The following TRPC5 variants were observed in gnomAD, a reference collection of about 807,000 sequenced individuals.
TRPC5 encodes the protein transient receptor potential cation channel subfamily C member 5.
TRPC5 carries 9 observed loss-of-function variants against 56.5 expected under a neutral mutation model. The observed-to-expected ratio is 0.16, with a 90% CI of 0.10 to 0.28. The LOEUF (loss-of-function observed/expected upper bound fraction) is 0.28. TRPC5 is among the 10% of genes least tolerant of loss of function. The pLI is 1.00. For synonymous variants in TRPC5, 282 were observed against 278.5 expected, an observed-to-expected ratio of 1.01 and a Z score of -0.13; for missense variants, 469 against 748.9, an observed-to-expected ratio of 0.63 and a Z score of 4.36.
intron 7 of TRPC5, among the ~76,000 whole-genome samples, chrX:111,802,942 C>G (rs921684446): frequency 9.1e-6 from 1 of 110,305 alleles, no homozygotes; most frequent in African/African-American, 3.3e-5. Flanking sequence ...GGTATACATG[C>G]GCCATGTTGG....
At chrX:111,988,059 A>G (rs1233033363) in intron 1 of TRPC5, among the ~76,000 whole-genome samples, 3 of 112,775 alleles carry the variant, frequency 2.7e-5, no homozygotes, top group Non-Finnish European at 3.8e-5. Context: ...TAAAGCAGCA[A>G]ATAGATATTT....
chrX:111,821,126 ACTTT>A (rs1204962170), intron 7 of TRPC5, among the ~76,000 whole-genome samples: 1 of 111,480 alleles, frequency 9.0e-6, no homozygotes, highest in Non-Finnish European at 1.9e-5. Context: ...GGCCTACGGT[ACTTT>A]CTTTCCTTAT....
At chrX:112,021,796 C>T (rs933854650) in intron 1 of TRPC5, among the ~76,000 whole-genome samples, 1 of 112,073 alleles carries the variant, frequency 8.9e-6, no homozygotes, top group Admixed American at 9.5e-5. Flanking sequence ...AAAAGAGTCC[C>T]CCATAAGAAC....
chrX:112,047,948 G>T (rs767727963), intron 1 of TRPC5, among the ~76,000 whole-genome samples: 2 of 112,301 alleles, frequency 1.8e-5, no homozygotes, highest in Admixed American at 9.4e-5. Context: ...GTTTCTACTA[G>T]ACTATCAACT....
intron 1 of TRPC5, among the ~76,000 whole-genome samples, chrX:112,063,815 A>G (rs1602419136): frequency 8.9e-6 from 1 of 112,094 alleles, no homozygotes; most frequent in Non-Finnish European, 1.9e-5. Flanking sequence ...TTTTTGAGAC[A>G]GAGTCTCGCT....
chrX:111,805,410 A>C (rs1335556768), intron 7 of TRPC5, among the ~76,000 whole-genome samples: 3 of 111,490 alleles, frequency 2.7e-5, no homozygotes, highest in Non-Finnish European at 5.6e-5. Context: ...TGATTGGACT[A>C]GTTTCAGAAG....
rs756351736 is a variant in TRPC5 at position 111,776,526 on chromosome X, C to G, written c.2709G>C (p.Glu903Asp). 2 of 1,211,327 alleles carry G rather than the reference C, an allele frequency of 1.7e-6. No individual in the cohort carries two copies. The highest frequency in any genetic ancestry group is 3.5e-5 in the South Asian group (2 of 56,869). Residue 903 changes from glutamate (E) to aspartate (D), a missense_variant, in exon 11 of 11, where the codon GAG (glutamate) becomes GAC (aspartate). Glu to Asp is a conservative substitution (Grantham distance 45). Around this residue, in one of 3 missense-constraint regions of TRPC5, gnomAD observed 194 missense variants for 221.8 expected, o/e 0.87. Transcript: ENST00000262839. ...ACSQSEINLSEVELGEVQGAA... is the reference protein window; with the variant it reads ...ACSQSEINLSDVELGEVQGAA... ...CGCCCTGGACTTCACCTAATTCTAC[C>G]TCACTGAGGTTAATTTCACTTTGAG...
At chrX:111,783,953 G>A (rs1259189044) in intron 7 of TRPC5, among the ~76,000 whole-genome samples, 1 of 111,465 alleles carries the variant, frequency 9.0e-6, no homozygotes, top group African/African-American at 3.3e-5. Flanking sequence ...TTCTATAAGG[G>A]AAGAGGTTTA....
At chrX:111,793,421 A>G (rs1157453073) in intron 7 of TRPC5, among the ~76,000 whole-genome samples, 1 of 112,551 alleles carries the variant, frequency 8.9e-6, no homozygotes, top group Middle Eastern at 4.2e-3. Context: ...AAGAAGATAC[A>G]TAAATGGACA....
At chrX:111,981,827 A>AAT (rs1181936821) in intron 1 of TRPC5, among the ~76,000 whole-genome samples, 2 of 112,063 alleles carry the variant, frequency 1.8e-5, no homozygotes, top group African/African-American at 3.2e-5. Flanking sequence ...ATGGTTGCTT[A>AAT]ATATATATAA....
chrX:111,807,252 A>G (rs1430922087), intron 7 of TRPC5, among the ~76,000 whole-genome samples: 1 of 110,895 alleles, frequency 9.0e-6, no homozygotes, highest in Non-Finnish European at 1.9e-5. Context: ...GGGATGCTTC[A>G]TTCTTTTTTC....
chrX:111,857,760 T>C (rs1262114562), intron 3 of TRPC5, among the ~76,000 whole-genome samples: 2 of 112,248 alleles, frequency 1.8e-5, no homozygotes, highest in East Asian at 5.6e-4. Context: ...AGGCAGCAAA[T>C]TGTAGTTTGC....
chrX:111,837,297 G>A (rs1042924561), intron 6 of TRPC5, among the ~76,000 whole-genome samples: 5 of 106,777 alleles, frequency 4.7e-5, no homozygotes, highest in African/African-American at 1.9e-4. Context: ...AAGACATGGG[G>A]CTAAGTAATC....
In TRPC5 at chrX:111,775,284, A is replaced by G. The variant is rs1603021819; in HGVS notation, c.*1029T>C. 2 of 112,188 alleles carry G rather than the reference A, an allele frequency of 1.8e-5. No homozygotes were observed. Among genetic ancestry groups the G allele is most frequent in the Middle Eastern group, 4.2e-3 (1 of 237 alleles). 9.2% of individuals were successfully genotyped at this position (112,188 alleles called of 1,213,427 possible). The stretch of plus-strand genomic sequence containing the variant: ...AGTTGCCATTTTTATAAAGCAGTTA[A>G]TTAAAATGAAGATGCTCTTTTCTCA... On this transcript the variant is annotated 3_prime_UTR_variant, in exon 11 of 11. Coordinates refer to ENST00000262839, the MANE Select transcript of TRPC5 (RefSeq NM_012471.3).
rs767162249 is a variant in TRPC5, at chrX:112,038,147, A to C, written c.-22+43732T>G. ...GGCTGTAAATGATGAAGTCAGAACA[A>C]TTGAAATTTCAGCAAGAGATGGAGC... On this transcript the variant is annotated intron_variant, in intron 1 of 10. Coordinates refer to ENST00000262839, the MANE Select transcript of TRPC5 (RefSeq NM_012471.3). 1.2e-3 allele frequency among the ~76,000 whole-genome samples: 132 copies of C among 112,002 alleles called. 3 individuals carry two copies. The highest frequency in any genetic ancestry group is 4.6e-3 in the Middle Eastern group (1 of 216).
At chrX:111,876,487 A>G (rs777143413) in intron 3 of TRPC5, among the ~76,000 whole-genome samples, 1 of 111,847 alleles carries the variant, frequency 8.9e-6, no homozygotes, top group African/African-American at 3.3e-5. Flanking sequence ...ACTGATATAA[A>G]CATCGTTTAT....
In TRPC5 at chrX:111,770,685, A is replaced by C. The variant is rs902405960; in HGVS notation, c.*5628T>G. 9.0e-6 allele frequency among the ~76,000 whole-genome samples: 1 copy of C among 111,513 alleles called. No homozygotes were observed. The highest frequency in any genetic ancestry group is 3.3e-5 in the African/African-American group (1 of 30,713). Reference sequence around the variant, plus strand: ...AGTTTCCCAATCCCAGCAAAAATCCAAAGCCTCCTTTCTTCCTTCCAAGGG... The same window carrying C: ...AGTTTCCCAATCCCAGCAAAAATCCCAAGCCTCCTTTCTTCCTTCCAAGGG... On this transcript the variant is annotated 3_prime_UTR_variant, in exon 11 of 11. Transcript: ENST00000262839.
At chrX:111,963,750 T>G (rs1296466968) in intron 1 of TRPC5, among the ~76,000 whole-genome samples, 1 of 112,096 alleles carries the variant, frequency 8.9e-6, no homozygotes, top group Non-Finnish European at 1.9e-5. Flanking sequence ...CCAACAGAGC[T>G]GCAGCTGAGG....
intron 3 of TRPC5, among the ~76,000 whole-genome samples, chrX:111,894,613 C>CA (rs1236578701): frequency 8.1e-5 from 9 of 111,789 alleles, no homozygotes; most frequent in African/African-American, 2.6e-4. Flanking sequence ...ATTCATATTT[C>CA]ATTCCATTTT....
Sources: allele counts gnomAD v4.1 joint callset (sites outside exome capture counted in the v4.1 genomes callset), GRCh38; gene constraint gnomAD v4.1.1; regional missense constraint gnomAD v4.1.1; transcripts MANE v1.5; gene names NCBI Gene and HGNC (gene_info 2026-07-23, HGNC 2026-07-21).